Variants in PCM1 observed in about 807,000 individuals in gnomAD.
PCM1 encodes the protein pericentriolar material 1 protein.
PCM1 carries 157 observed loss-of-function variants against 241.9 expected under a neutral mutation model. That is an observed-to-expected ratio of 0.65 (90% CI 0.57 to 0.74). The LOEUF is 0.74. Ranked by LOEUF, PCM1 falls within the 30% of genes least tolerant of loss-of-function variation. The probability of loss-of-function intolerance (pLI) is 0.00; values close to 1 mark genes in which losing one functional copy is unlikely to be tolerated. For synonymous variants in PCM1, 1,085 were observed against 784.9 expected, an observed-to-expected ratio of 1.38 and a Z score of -6.39; for missense variants, 3,478 against 2,360.1, an observed-to-expected ratio of 1.47 and a Z score of -9.81.
intron 22 of PCM1, 48 bp from the exon 23 acceptor site, chr8:17,972,281 T>C: frequency 8.9e-7 from 1 of 1,121,864 alleles, no homozygotes; most frequent in Non-Finnish European, 1.2e-6. Context: ...TTTGGAGTTT[T>C]TGTAAACTAT....
At chr8:17,998,969 A>G (rs554617668) in intron 29 of PCM1, among the ~76,000 whole-genome samples, 21 of 152,106 alleles carry the variant, frequency 1.4e-4, no homozygotes, top group African/African-American at 5.1e-4. Flanking sequence ...AGTTCTGCTA[A>G]TATTCATTTA....
At chr8:17,977,606 A>G (rs2079209516) in intron 23 of PCM1, among the ~76,000 whole-genome samples, 2 of 152,210 alleles carry the variant, frequency 1.3e-5, no homozygotes, top group South Asian at 4.1e-4. Context: ...TCCTCCTGTT[A>G]TTAACCCTTC....
At chr8:17,928,409 C>T (rs985013293) in intron 2 of PCM1, among the ~76,000 whole-genome samples, 1 of 152,094 alleles carries the variant, frequency 6.6e-6, no homozygotes, top group Non-Finnish European at 1.5e-5. Context: ...CACTTAGGAA[C>T]ACCTTTGGTT....
At position 17,957,717 on chromosome 8, in the gene PCM1, G is replaced by T. The variant is rs368537284; in HGVS notation, c.1982G>T (p.Arg661Leu). ...EDAEFEQKINRLMAAKQKLRQ... is the reference protein window; with the variant it reads ...EDAEFEQKINLLMAAKQKLRQ... ...GCTGAATTTGAACAGAAGATCAACC[G>T]ACTTATGGCTGCAAAACAGAAACTT... Residue 661 changes from arginine to leucine, a missense_variant, in exon 13 of 39, where the codon CGA becomes CTA. Arg to Leu is a moderately radical substitution (Grantham distance 102). Coordinates refer to ENST00000325083, the MANE Select transcript of PCM1 (RefSeq NM_006197.4). 1.2e-6 allele frequency: 2 copies of T among 1,613,566 alleles called. No homozygotes were observed. The highest frequency in any genetic ancestry group is 1.1e-5 in the South Asian group (1 of 91,024).
chr8:17,955,939 G>A, intron 10 of PCM1: 1 of 407,248 alleles, frequency 2.5e-6, no homozygotes, highest in Non-Finnish European at 4.6e-6. Flanking sequence ...AGATGGTTTA[G>A]AGACCAGGCT....
chr8:17,989,412 G>T (rs912653941), intron 26 of PCM1, among the ~76,000 whole-genome samples: 5 of 151,970 alleles, frequency 3.3e-5, no homozygotes, highest in African/African-American at 1.2e-4. Context: ...TGAGTGCATT[G>T]TATATTAATT....
chr8:17,952,329 C>G (rs895151957), intron 8 of PCM1, among the ~76,000 whole-genome samples: 2 of 151,994 alleles, frequency 1.3e-5, no homozygotes, highest in African/African-American at 2.4e-5. Context: ...AGTGGTAGTT[C>G]TAGAAAGAAG....
chr8:17,930,123 A>G (rs937247320), intron 2 of PCM1, among the ~76,000 whole-genome samples: 3 of 83,862 alleles, frequency 3.6e-5, no homozygotes, highest in Non-Finnish European at 7.0e-5. Context: ...TTTTTTTTTG[A>G]GACAGAGTCT....
At chr8:18,021,223 A>T (rs1247088683) in intron 36 of PCM1, among the ~76,000 whole-genome samples, 1 of 152,116 alleles carries the variant, frequency 6.6e-6, no homozygotes, top group Non-Finnish European at 1.5e-5. Context: ...AGTCCTTCAA[A>T]CTGTCATTAT....
intron 2 of PCM1, chr8:17,934,946 C>G (rs1285500710): frequency 6.6e-6 from 1 of 152,098 alleles, no homozygotes; most frequent in East Asian, 1.9e-4. Context: ...GTAGTCTTTA[C>G]CAAGATTTAG....
rs2074911457 is a variant in PCM1, at chr8:17,966,406, C to T, written c.3154C>T (p.His1052Tyr). 1.9e-6 allele frequency: 3 copies of T among 1,613,416 alleles called. No individual in the cohort carries two copies. The highest frequency in any genetic ancestry group is 1.3e-5 in the African/African-American group (1 of 74,928). Reference sequence around the variant, plus strand: ...CAGCAATGTTGCATCTCCTCAAGTACACTTCATAATGCACCAGTTGAACCA... The same window carrying T: ...CAGCAATGTTGCATCTCCTCAAGTATACTTCATAATGCACCAGTTGAACCA... ...MPSNVASPQV[H>Y]FIMHQLNQCY... Residue 1052 changes from histidine (H) to tyrosine (Y), a missense_variant, in exon 20 of 39, where the codon CAC (histidine) becomes TAC (tyrosine). Physicochemically the swap from His to Tyr is moderately conservative, Grantham distance 83. Coordinates refer to ENST00000325083, the MANE Select transcript of PCM1 (RefSeq NM_006197.4).
At chr8:17,972,964 A>C (rs1203542241) in intron 23 of PCM1, among the ~76,000 whole-genome samples, 1 of 152,154 alleles carries the variant, frequency 6.6e-6, no homozygotes, top group Admixed American at 6.6e-5. Context: ...AAAATTGCCA[A>C]ATGCCCACGT....
intron 38 of PCM1, among the ~76,000 whole-genome samples, chr8:18,026,495 G>A (rs908267672): frequency 1.1e-4 from 17 of 151,602 alleles, no homozygotes; most frequent in East Asian, 9.8e-4. Flanking sequence ...TCCTGACCTC[G>A]TGATCCGCCT....
rs776470089 is a variant in PCM1 at position 17,966,363 on chromosome 8, T to A, written c.3111T>A (p.Gly1037=). Residue 1037 remains glycine, a synonymous_variant, in exon 20 of 39, where the codon GGT becomes GGA. Transcript: ENST00000325083. ...GTCTGCTACAAACTCTTCTCACGGG[T>A]CCTTACAGTGTTATGCCCAGCAATG... The part of the protein sequence containing the change: ...LSCLLQTLLT[G]PYSVMPSNVA... 1 of 1,613,844 alleles carries A rather than the reference T, an allele frequency of 6.2e-7. No individual in the cohort carries two copies. The highest frequency in any genetic ancestry group is 8.5e-7 in the Non-Finnish European group (1 of 1,179,768).
chr8:18,000,485 G>C (rs2088907538), intron 29 of PCM1, among the ~76,000 whole-genome samples: 1 of 152,088 alleles, frequency 6.6e-6, no homozygotes, highest in African/African-American at 2.4e-5. Flanking sequence ...TACGTAATTG[G>C]GATATAGTTA....
chr8:17,993,662 T>C, intron 29 of PCM1, 43 bp downstream of exon 29: 1 of 1,503,206 alleles, frequency 6.7e-7, no homozygotes, highest in Non-Finnish European at 9.0e-7. Flanking sequence ...TTCTATGTTT[T>C]GTTTTTTAAT....
chr8:17,962,038 C>T lies in PCM1; in HGVS notation c.2327C>T (p.Ser776Leu). Residue 776 changes from serine to leucine, a missense_variant, in exon 16 of 39, where the codon TCA (serine) becomes TTA (leucine). Transcript: ENST00000325083. ...TTTTTGTGAATTCCTTTTTAGCTGT[C>T]AGCTGCTAGTGTGGGTAACTGTCCC... Reference protein sequence around the residue: ...LQTACPDLQLSAASVGNCPTK... With the variant: ...LQTACPDLQLLAASVGNCPTK... The T allele has an allele frequency of 6.2e-7, 1 of 1,606,020 alleles. No homozygotes were observed. The highest frequency in any genetic ancestry group is 1.1e-5 in the South Asian group (1 of 89,242).
At chr8:17,941,310 T>C (rs1389025923) in intron 6 of PCM1, among the ~76,000 whole-genome samples, 1 of 152,222 alleles carries the variant, frequency 6.6e-6, no homozygotes, top group Non-Finnish European at 1.5e-5. Context: ...GTATTCATTG[T>C]GATGGCAATT....
chr8:18,027,862 GTT>G lies in PCM1; in HGVS notation c.*212_*213del, dbSNP rs750760537. 3.2e-4 allele frequency: 104 copies of G among 320,532 alleles called. No homozygotes were observed. Among genetic ancestry groups the G allele is most frequent in the Non-Finnish European group, 4.2e-4 (75 of 179,746 alleles). The allele number at this position is 320,532 out of a possible 1,614,324, so 19.9% of individuals were successfully genotyped here. ...ACAGATTTAAGCCTTGACACACTGTGTTTTTTTTTTTTTCCCCCTTCTTTTTT... is the reference window on the plus strand; with the variant it reads ...ACAGATTTAAGCCTTGACACACTGTGTTTTTTTTTTTCCCCCTTCTTTTTT... On this transcript the variant is annotated 3_prime_UTR_variant, in exon 39 of 39. Transcript: ENST00000325083.
Sources: gnomAD v4.1 joint callset for allele counts (sites outside exome capture counted in the v4.1 genomes callset) on GRCh38, gnomAD v4.1.1 for gene constraint, MANE v1.5 for transcripts, NCBI Gene and HGNC (gene_info 2026-07-23, HGNC 2026-07-21) for gene names.